The following CYP2J2 variants were observed in gnomAD, a reference collection of about 807,000 sequenced individuals.
CYP2J2 encodes the protein cytochrome P450 2J2.
In CYP2J2, 41 loss-of-function variants were observed where a neutral mutation model predicts 48.8. The observed-to-expected ratio is 0.84, with a 90% CI of 0.66 to 1.09. The LOEUF is 1.09. Among genes scored for constraint, CYP2J2 ranks in the 50% least tolerant of loss-of-function variants. The probability of loss-of-function intolerance (pLI) is 0.00; values close to 1 mark genes in which losing one functional copy is unlikely to be tolerated. For missense variants in CYP2J2, 644 were observed against 617.3 expected (o/e 1.04, Z -0.46); for synonymous variants, 221 against 227.1 (o/e 0.97, Z 0.24).
At chr1:59,941,452 A>G in the CYP2J2 span, among the ~76,000 whole-genome samples, 6 of 152,250 alleles carry the variant, frequency 3.9e-5, no homozygotes, top group African/African-American at 1.2e-4. Context: ...AATGCTTGCT[A>G]ATGATAAACA....
At chr1:59,932,287 T>G in the CYP2J2 span, among the ~76,000 whole-genome samples, 19 of 152,152 alleles carry the variant, frequency 1.2e-4, no homozygotes, top group African/African-American at 4.6e-4. Context: ...CATGAAGATT[T>G]TATTGAGGAG....
chr1:59,936,306 C>T, the CYP2J2 span, among the ~76,000 whole-genome samples: 1 of 152,162 alleles, frequency 6.6e-6, no homozygotes, highest in Non-Finnish European at 1.5e-5. Flanking sequence ...CCCATCTGTG[C>T]TTGACAGCAG....
the CYP2J2 span, among the ~76,000 whole-genome samples, chr1:59,967,969 G>GT: frequency 6.6e-6 from 1 of 152,118 alleles, no homozygotes; most frequent in Non-Finnish European, 1.5e-5. Context: ...CATTTTTCCA[G>GT]TAAGTCCCCA....
chr1:59,913,187 AT>A (rs1644433939), intron 2 of CYP2J2: 1 of 152,016 alleles, frequency 6.6e-6, no homozygotes, highest in Non-Finnish European at 1.5e-5. Flanking sequence ...TTTCGTCCTA[AT>A]TCTCTGCCAG....
the CYP2J2 span, among the ~76,000 whole-genome samples, chr1:59,956,169 T>C: frequency 1.1e-4 from 17 of 152,260 alleles, no homozygotes; most frequent in Non-Finnish European, 2.1e-4. Flanking sequence ...AAAATGTTAA[T>C]AGTAAGTGAA....
At chr1:59,932,367 A>G in the CYP2J2 span, among the ~76,000 whole-genome samples, 2 of 152,176 alleles carry the variant, frequency 1.3e-5, no homozygotes, top group Non-Finnish European at 2.9e-5. Flanking sequence ...AATAATATCT[A>G]AATTGAGTCA....
the CYP2J2 span, among the ~76,000 whole-genome samples, chr1:59,955,239 GATATATATATATCCATATATATATCC>G: frequency 0.017 from 1,795 of 107,834 alleles, 33 homozygotes; most frequent in African/African-American, 0.075. Flanking sequence ...TACGAATAAG[GATATATATATATCCATATATATATCC>G]ATATATATAT....
intron 8 of CYP2J2, among the ~76,000 whole-genome samples, chr1:59,897,150 C>T (rs907502501): frequency 6.6e-6 from 1 of 152,156 alleles, no homozygotes; most frequent in African/African-American, 2.4e-5. Flanking sequence ...CTCGGTTCCC[C>T]TCACCTTTAT....
At chr1:59,913,409 C>T (rs1243670921) in intron 2 of CYP2J2, among the ~76,000 whole-genome samples, 1 of 152,174 alleles carries the variant, frequency 6.6e-6, no homozygotes, top group African/African-American at 2.4e-5. Context: ...ATATACAACG[C>T]TGCCTGCCTC....
At chr1:59,940,003 C>A in the CYP2J2 span, among the ~76,000 whole-genome samples, 2 of 152,206 alleles carry the variant, frequency 1.3e-5, no homozygotes, top group Non-Finnish European at 2.9e-5. Context: ...CAAGGAAGGT[C>A]CAGAAGTGCC....
intron 5 of CYP2J2, among the ~76,000 whole-genome samples, chr1:59,908,355 T>C (rs1644382868): frequency 6.6e-6 from 1 of 152,216 alleles, no homozygotes; most frequent in Non-Finnish European, 1.5e-5. Flanking sequence ...TAAGAGGGCA[T>C]TATGAATTAT....
chr1:59,935,027 T>TACACAC, the CYP2J2 span, among the ~76,000 whole-genome samples: 152 of 100,134 alleles, frequency 1.5e-3, 3 homozygotes, highest in East Asian at 8.0e-3. Context: ...TATATATATA[T>TACACAC]ATATATATAT....
At chr1:59,905,106 A>G (rs1644354762) in intron 6 of CYP2J2, 48 bp from the exon 7 acceptor site, 11 of 1,570,670 alleles carry the variant, frequency 7.0e-6, no homozygotes, top group Non-Finnish European at 9.5e-6. Context: ...TTTATGCTTT[A>G]TTATAAAGAG....
intron 8 of CYP2J2, among the ~76,000 whole-genome samples, chr1:59,897,412 T>C (rs959318768): frequency 6.6e-6 from 1 of 152,316 alleles, no homozygotes; most frequent in South Asian, 2.1e-4. Context: ...CTCCTAACCA[T>C]GTTACACGGC....
chr1:59,946,283 C>T, the CYP2J2 span, among the ~76,000 whole-genome samples: 8 of 152,282 alleles, frequency 5.3e-5, no homozygotes, highest in East Asian at 7.7e-4. Flanking sequence ...GCCTCTGCTC[C>T]GTTCTTTCCT....
chr1:59,929,600 A>C (rs1644593208), upstream of CYP2J2, among the ~76,000 whole-genome samples: 1 of 152,224 alleles, frequency 6.6e-6, no homozygotes, highest in Admixed American at 6.5e-5. Flanking sequence ...TGGAATTTTG[A>C]ATTGAAAATT....
chr1:59,931,627 TA>T (rs1319283033), upstream of CYP2J2, among the ~76,000 whole-genome samples: 6 of 152,116 alleles, frequency 3.9e-5, no homozygotes, highest in African/African-American at 1.4e-4. Context: ...CATTTCTGAA[TA>T]AACCAATAAC....
chr1:59,903,038 C>T (rs1334779502), intron 7 of CYP2J2, among the ~76,000 whole-genome samples: 1 of 152,146 alleles, frequency 6.6e-6, no homozygotes, highest in African/African-American at 2.4e-5. Flanking sequence ...AGCTGGTTTC[C>T]TTGAGTTAAA....
chr1:59,927,587 T>A (rs1342693134), upstream of CYP2J2, among the ~76,000 whole-genome samples: 1 of 152,164 alleles, frequency 6.6e-6, no homozygotes, highest in African/African-American at 2.4e-5. Flanking sequence ...CAATATTTTA[T>A]TTTATTTCTT....
Sources: gnomAD v4.1 joint callset for allele counts (sites outside exome capture counted in the v4.1 genomes callset) on GRCh38, gnomAD v4.1.1 for gene constraint, MANE v1.5 for transcripts, NCBI Gene and HGNC (gene_info 2026-07-23, HGNC 2026-07-21) for gene names.